Variants in PCED1B observed in about 807,000 individuals in gnomAD.
PCED1B encodes the protein PC-esterase domain containing 1B, also known as PC-esterase domain-containing protein 1B.
For synonymous variants in PCED1B, 251 were observed against 246.1 expected (o/e 1.02, Z -0.19); for missense variants, 573 against 573.9 (o/e 1.00, Z 0.02).
At position 47,195,428 on chromosome 12, in the gene PCED1B, T is replaced by C. The variant is rs2137678356; in HGVS notation, c.-525-20794T>C. Among the ~76,000 whole-genome samples, 3 of 152,250 alleles carry C rather than the reference T, an allele frequency of 2.0e-5. No homozygotes were observed. In the South Asian group the frequency reaches 6.2e-4, roughly 32 times the overall value. ...GAGAAAATGAAACAATTTTTCTCCA[T>C]ATTAATTATGTGTACAATCCAAACC... On this transcript the variant is annotated intron_variant, in intron 2 of 3. Transcript: ENST00000546455.
At position 47,164,153 on chromosome 12, in the gene PCED1B, GC is replaced by G. The variant is rs1941472508; in HGVS notation, c.-525-52065del. ...TCTAAACCATAGCATTTTGTCCCAT[GC>G]CCCAAAAGTCATGTTCTTCTCACAT... On this transcript the variant is annotated intron_variant, in intron 2 of 3. Coordinates refer to ENST00000546455, the MANE Select transcript of PCED1B (RefSeq NM_138371.3). Among the ~76,000 whole-genome samples the G allele has an allele frequency of 4.6e-5, 7 of 152,176 alleles. No homozygotes were observed. The South Asian group carries it at 1.4e-3, about 32-fold the overall frequency.
chr12:47,129,603 T>A (rs61677310), intron 2 of PCED1B, among the ~76,000 whole-genome samples: 5,952 of 152,176 alleles, frequency 0.039, 152 homozygotes, highest in African/African-American at 0.069. Flanking sequence ...AAAAAAAATT[T>A]TTTTAAAGAA....
chr12:47,128,657 T>C (rs2137342678), intron 2 of PCED1B, among the ~76,000 whole-genome samples: 1 of 152,276 alleles, frequency 6.6e-6, no homozygotes, highest in African/African-American at 2.4e-5. Flanking sequence ...AGCAGTAAAA[T>C]AAAAGAACAT....
chr12:47,127,558 G>A (rs1044270311), intron 2 of PCED1B, among the ~76,000 whole-genome samples: 5 of 151,464 alleles, frequency 3.3e-5, no homozygotes, highest in African/African-American at 1.2e-4. Context: ...TAGAAACAGG[G>A]TCTCACCGTG....
rs182448991 is a variant in PCED1B at position 47,149,642 on chromosome 12, G to A, written c.-526+45447G>A. 9.3e-4 allele frequency among the ~76,000 whole-genome samples: 141 copies of A among 152,292 alleles called. 1 individual carries two copies. Among genetic ancestry groups the A allele is most frequent in the African/African-American group, 3.3e-3 (137 of 41,542 alleles). ...TTATGGCAAAGATTTATGCTTTAACGTGTGAGCTCTTTGTTTTAATAGCTT... is the reference window on the plus strand; with the variant it reads ...TTATGGCAAAGATTTATGCTTTAACATGTGAGCTCTTTGTTTTAATAGCTT... On this transcript the variant is annotated intron_variant, in intron 2 of 3. Coordinates refer to ENST00000546455, the MANE Select transcript of PCED1B (RefSeq NM_138371.3).
At chr12:47,154,017 T>C (rs1276532175) in intron 2 of PCED1B, among the ~76,000 whole-genome samples, 1 of 152,224 alleles carries the variant, frequency 6.6e-6, no homozygotes, top group Non-Finnish European at 1.5e-5. Context: ...TATTCCACTA[T>C]GTCACATGCA....
chr12:47,156,722 C>T (rs1183279559), intron 2 of PCED1B, among the ~76,000 whole-genome samples: 1 of 151,994 alleles, frequency 6.6e-6, no homozygotes, highest in Non-Finnish European at 1.5e-5. Context: ...CTGAGTGCTC[C>T]GATAACACTC....
intron 2 of PCED1B, among the ~76,000 whole-genome samples, chr12:47,121,224 C>T (rs969977954): frequency 1.3e-5 from 2 of 152,112 alleles, no homozygotes; most frequent in Admixed American, 1.3e-4. Context: ...GAAACAATCC[C>T]GGTGATACAT....
chr12:47,193,982 G>A (rs1942524146), intron 2 of PCED1B, among the ~76,000 whole-genome samples: 1 of 152,116 alleles, frequency 6.6e-6, no homozygotes, highest in Admixed American at 6.5e-5. Context: ...ACCTCCCTTG[G>A]CTTTGAATAA....
intron 2 of PCED1B, among the ~76,000 whole-genome samples, chr12:47,195,030 T>C (rs765942381): frequency 6.6e-6 from 1 of 152,222 alleles, no homozygotes; most frequent in Non-Finnish European, 1.5e-5. Flanking sequence ...AATTCATCTT[T>C]AGAAATATTT....
chr12:47,120,902 C>T (rs1939649252), intron 2 of PCED1B, among the ~76,000 whole-genome samples: 1 of 152,108 alleles, frequency 6.6e-6, no homozygotes, highest in Non-Finnish European at 1.5e-5. Context: ...TAAAAGATCA[C>T]ACATTATATG....
At chr12:47,175,928 A>G (rs371095431) in intron 2 of PCED1B, among the ~76,000 whole-genome samples, 1 of 149,282 alleles carries the variant, frequency 6.7e-6, no homozygotes, top group African/African-American at 2.5e-5. Flanking sequence ...GTGTCGCTAC[A>G]TTGCCCAGAC....
intron 2 of PCED1B, chr12:47,135,585 G>A (rs1940323012): frequency 4.0e-6 from 2 of 503,480 alleles, no homozygotes; most frequent in African/African-American, 2.0e-5. Flanking sequence ...ACTTGGCAGT[G>A]GAGACACAGG....
rs1311993422 is a variant in PCED1B, at chr12:47,138,702, G to A, written c.-526+34507G>A. On this transcript the variant is annotated intron_variant, in intron 2 of 3. Coordinates refer to ENST00000546455, the MANE Select transcript of PCED1B (RefSeq NM_138371.3). ...TATCTTAACTGCAATTATTATCAAT[G>A]TGAATGTCATTATAACATATAGGGG... Among the ~76,000 whole-genome samples the A allele has an allele frequency of 3.3e-5, 5 of 152,116 alleles. No individual in the cohort carries two copies. The East Asian group carries it at 9.6e-4, about 29-fold the overall frequency.
At chr12:47,137,696 C>G (rs1940433133) in intron 2 of PCED1B, among the ~76,000 whole-genome samples, 1 of 146,398 alleles carries the variant, frequency 6.8e-6, no homozygotes, top group African/African-American at 2.5e-5. Flanking sequence ...CCACTGCACT[C>G]CAGCCTGGGT....
At chr12:47,117,546 C>T (rs1592159814) in intron 2 of PCED1B, among the ~76,000 whole-genome samples, 1 of 152,206 alleles carries the variant, frequency 6.6e-6, no homozygotes, top group Non-Finnish European at 1.5e-5. Flanking sequence ...TTTATGGCTG[C>T]ATAGTATTCC....
intron 2 of PCED1B, chr12:47,206,065 A>T (rs183043345): frequency 4.6e-5 from 7 of 152,354 alleles, no homozygotes; most frequent in Admixed American, 4.6e-4. Flanking sequence ...GCGCTGAGTC[A>T]GTTCCTGGGT....
intron 2 of PCED1B, among the ~76,000 whole-genome samples, chr12:47,130,203 T>C (rs1446663660): frequency 6.6e-6 from 1 of 152,202 alleles, no homozygotes; most frequent in Admixed American, 6.5e-5. Flanking sequence ...GGTTAGTAGT[T>C]AATACACACA....
chr12:47,085,105 T>C (rs187655229), intron 1 of PCED1B, among the ~76,000 whole-genome samples: 57 of 152,278 alleles, frequency 3.7e-4, no homozygotes, highest in Non-Finnish European at 5.7e-4. Context: ...GATCACATTA[T>C]TGCACTCCAG....
Sources: allele counts gnomAD v4.1 joint callset (sites outside exome capture counted in the v4.1 genomes callset), GRCh38; gene constraint gnomAD v4.1.1; transcripts MANE v1.5; gene names NCBI Gene and HGNC (gene_info 2026-07-23, HGNC 2026-07-21).